The following KIF16B variants were observed in gnomAD, a reference collection of about 807,000 sequenced individuals.
KIF16B encodes kinesin-like protein KIF16B.
In KIF16B, 98 loss-of-function variants were observed where a neutral mutation model predicts 156.3. The ratio of observed to expected loss-of-function variants is 0.63; its 90% CI spans 0.53 to 0.74. KIF16B has a LOEUF of 0.74. Ranked by LOEUF, KIF16B falls within the 30% of genes least tolerant of loss-of-function variation. KIF16B has a pLI of 0.00. For missense variants in KIF16B, 1,421 were observed against 1,606.5 expected, an observed-to-expected ratio of 0.88 and a Z score of 1.97; for synonymous variants, 564 against 583.7, an observed-to-expected ratio of 0.97 and a Z score of 0.49.
chr20:16,415,875 G>A (rs969825151), intron 15 of KIF16B, among the ~76,000 whole-genome samples: 1 of 152,134 alleles, frequency 6.6e-6, no homozygotes, highest in Non-Finnish European at 1.5e-5. Context: ...TTCTCCTAAG[G>A]AATGTAGCTA....
intron 25 of KIF16B, among the ~76,000 whole-genome samples, chr20:16,294,000 A>T (rs1288036993): frequency 6.6e-6 from 1 of 151,994 alleles, no homozygotes; most frequent in East Asian, 1.9e-4. Flanking sequence ...AGTCAAGAAG[A>T]AGGAATATAG....
At chr20:16,389,148 G>A (rs762245289) in intron 17 of KIF16B, among the ~76,000 whole-genome samples, 4 of 152,140 alleles carry the variant, frequency 2.6e-5, no homozygotes, top group East Asian at 1.9e-4. Flanking sequence ...TGGTCAATGC[G>A]TAGGCCTGGC....
chr20:16,362,581 A>T (rs2064571934), intron 22 of KIF16B, among the ~76,000 whole-genome samples: 1 of 152,228 alleles, frequency 6.6e-6, no homozygotes, highest in Non-Finnish European at 1.5e-5. Flanking sequence ...TCAATAAAAA[A>T]TTTTACCAAT....
intron 12 of KIF16B, among the ~76,000 whole-genome samples, chr20:16,469,254 T>TAAAAAAAAAAAA (rs57114751): frequency 1.4e-4 from 9 of 66,078 alleles, no homozygotes; most frequent in Non-Finnish European, 2.1e-4. Context: ...CCCTGTGTCT[T>TAAAAAAAAAAAA]AAAAAAAAAA....
At chr20:16,428,380 C>T (rs771775994) in intron 14 of KIF16B, among the ~76,000 whole-genome samples, 7 of 152,172 alleles carry the variant, frequency 4.6e-5, no homozygotes, top group Non-Finnish European at 1.0e-4. Context: ...CCCACCACCA[C>T]CACCACCAGT....
At chr20:16,345,877 T>C (rs577198310) in intron 23 of KIF16B, among the ~76,000 whole-genome samples, 26 of 152,346 alleles carry the variant, frequency 1.7e-4, no homozygotes, top group African/African-American at 4.8e-4. Flanking sequence ...TTTTAAGTTA[T>C]TTGCTCTGAG....
At chr20:16,534,297 A>G (rs1222544600) in intron 1 of KIF16B, among the ~76,000 whole-genome samples, 1 of 152,180 alleles carries the variant, frequency 6.6e-6, no homozygotes, top group Middle Eastern at 3.2e-3. Context: ...CTTAGTATTT[A>G]TAACACAGAT....
intron 12 of KIF16B, among the ~76,000 whole-genome samples, chr20:16,479,129 T>C (rs534512770): frequency 2.6e-5 from 4 of 152,220 alleles, no homozygotes; most frequent in African/African-American, 7.2e-5. Flanking sequence ...ATAAACATAA[T>C]ATGGAACAAA....
intron 12 of KIF16B, among the ~76,000 whole-genome samples, chr20:16,466,518 C>G (rs910888156): frequency 6.6e-6 from 1 of 152,134 alleles, no homozygotes; most frequent in Non-Finnish European, 1.5e-5. Context: ...ATAAGTCTCA[C>G]GAGATCTGAT....
chr20:16,334,115 A>G (rs1601590050), intron 24 of KIF16B, among the ~76,000 whole-genome samples: 1 of 152,258 alleles, frequency 6.6e-6, no homozygotes, highest in African/African-American at 2.4e-5. Flanking sequence ...TCAAATAATC[A>G]ATATAAAATA....
chr20:16,478,906 G>A (rs1053344140), intron 12 of KIF16B, among the ~76,000 whole-genome samples: 3 of 152,242 alleles, frequency 2.0e-5, no homozygotes, highest in Middle Eastern at 3.4e-3. Flanking sequence ...TGGATAAGGG[G>A]GGACTATTGT....
chr20:16,332,537 A>G (rs2063965876), intron 24 of KIF16B, among the ~76,000 whole-genome samples: 1 of 152,160 alleles, frequency 6.6e-6, no homozygotes, highest in Admixed American at 6.5e-5. Context: ...CTTTATATAT[A>G]ACATTCTTTT....
intron 25 of KIF16B, among the ~76,000 whole-genome samples, chr20:16,290,169 G>A (rs1232774332): frequency 6.6e-6 from 1 of 152,196 alleles, no homozygotes; most frequent in Non-Finnish European, 1.5e-5. Context: ...GCTTTCAAAT[G>A]AGAATCTTGC....
intron 10 of KIF16B, among the ~76,000 whole-genome samples, chr20:16,502,305 G>C (rs1444670070): frequency 6.6e-6 from 1 of 152,138 alleles, no homozygotes. Context: ...AATACTCCCA[G>C]AAAAATGTAT....
intron 12 of KIF16B, among the ~76,000 whole-genome samples, chr20:16,472,305 C>T (rs2067683939): frequency 6.6e-6 from 1 of 152,192 alleles, no homozygotes; most frequent in East Asian, 1.9e-4. Flanking sequence ...AGGCACAGTG[C>T]TAAGTACTTT....
Position 16,374,415 on chromosome 20 carries a change from C to T in KIF16B, c.3198-6G>A, listed in dbSNP as rs1444885905. 6.5e-7 allele frequency: 1 copy of T among 1,533,588 alleles called. No homozygotes were observed. Among genetic ancestry groups the T allele is most frequent in the African/African-American group, 1.4e-5 (1 of 72,890 alleles). The allele number at this position is 1,533,588 out of a possible 1,614,324, so 95.0% of individuals were successfully genotyped here. A position where few individuals can be genotyped will look rare whatever the true frequency, so the allele number is the denominator to read the frequency against. On this transcript the variant is annotated splice_polypyrimidine_tract_variant and splice_region_variant and intron_variant, in intron 19 of 25. Transcript: ENST00000354981. ...GCTGGATTTCATATTCTAACCTACACAGATAGGAGCCACATAATTCATTCA... is the reference window on the plus strand; with the variant it reads ...GCTGGATTTCATATTCTAACCTACATAGATAGGAGCCACATAATTCATTCA...
chr20:16,358,715 G>T (rs1399465805), intron 22 of KIF16B, among the ~76,000 whole-genome samples: 1 of 152,220 alleles, frequency 6.6e-6, no homozygotes, highest in Admixed American at 6.5e-5. Flanking sequence ...AAGTTGTGAT[G>T]GGGGAATGGA....
At chr20:16,560,727 G>C (rs1044528433) in intron 1 of KIF16B, among the ~76,000 whole-genome samples, 1 of 152,020 alleles carries the variant, frequency 6.6e-6, no homozygotes, top group Admixed American at 6.6e-5. Context: ...CAACGCTGCA[G>C]TGAGCCATTT....
chr20:16,306,591 GTC>G (rs1400952112), intron 25 of KIF16B, among the ~76,000 whole-genome samples: 1 of 152,122 alleles, frequency 6.6e-6, no homozygotes, highest in Non-Finnish European at 1.5e-5. Flanking sequence ...CGATTTTAGT[GTC>G]TCTGCTGTCA....
Sources: gnomAD v4.1 joint callset for allele counts (sites outside exome capture counted in the v4.1 genomes callset) on GRCh38, gnomAD v4.1.1 for gene constraint, MANE v1.5 for transcripts, NCBI Gene and HGNC (gene_info 2026-07-23, HGNC 2026-07-21) for gene names.